Variants in DOCK2 observed in about 807,000 individuals in gnomAD.
DOCK2 encodes dedicator of cytokinesis protein 2.
In DOCK2, 87 loss-of-function variants were observed where a neutral mutation model predicts 248.9. That is an observed-to-expected ratio of 0.35 (90% CI 0.29 to 0.42). DOCK2 has a LOEUF of 0.42. Among genes scored for constraint, DOCK2 ranks in the 10% least tolerant of loss-of-function variants. DOCK2 has a pLI of 1.00. For missense variants in DOCK2, 1,747 were observed against 2,300.2 expected (o/e 0.76, Z 4.92); for synonymous variants, 805 against 821.6 (o/e 0.98, Z 0.35).
At chr5:169,723,481 A>G (rs1174402166) in intron 22 of DOCK2, among the ~76,000 whole-genome samples, 1 of 152,208 alleles carries the variant, frequency 6.6e-6, no homozygotes, top group Non-Finnish European at 1.5e-5. Context: ...AGTGCTGGTC[A>G]CATAGCCAGT....
intron 1 of DOCK2, among the ~76,000 whole-genome samples, chr5:169,640,498 C>T (rs1757090931): frequency 6.6e-6 from 1 of 152,200 alleles, no homozygotes; most frequent in Admixed American, 6.5e-5. Context: ...TTAGCATGTA[C>T]ATCCTGCTTA....
intron 27 of DOCK2, among the ~76,000 whole-genome samples, chr5:169,928,658 T>C (rs1412475943): frequency 6.6e-6 from 1 of 152,166 alleles, no homozygotes; most frequent in African/African-American, 2.4e-5. Flanking sequence ...CAGAGAGATC[T>C]AAATACATCC....
intron 26 of DOCK2, among the ~76,000 whole-genome samples, chr5:169,822,100 A>G (rs1419306200): frequency 1.3e-5 from 2 of 152,242 alleles, no homozygotes; most frequent in African/African-American, 4.8e-5. Context: ...CCAATACAGG[A>G]GCACCCAGAT....
chr5:170,027,993 G>A (rs1581538430), intron 34 of DOCK2, 45 bp downstream of exon 34: 1 of 1,569,188 alleles, frequency 6.4e-7, no homozygotes, highest in East Asian at 2.3e-5. Context: ...TGAAGGTCAG[G>A]TGAGGCGGGA....
At chr5:169,894,390 C>T (rs1225736872) in intron 27 of DOCK2, among the ~76,000 whole-genome samples, 1 of 152,162 alleles carries the variant, frequency 6.6e-6, no homozygotes, top group African/African-American at 2.4e-5. Flanking sequence ...GAAGTACCCC[C>T]TTCTCCTGAC....
intron 27 of DOCK2, among the ~76,000 whole-genome samples, chr5:169,955,486 G>A (rs926597086): frequency 2.6e-5 from 4 of 152,266 alleles, no homozygotes; most frequent in South Asian, 2.1e-4. Flanking sequence ...GCCAGTTTGC[G>A]GCTTCTACCT....
chr5:169,968,278 A>C (rs1358750033), intron 27 of DOCK2, among the ~76,000 whole-genome samples: 1 of 152,206 alleles, frequency 6.6e-6, no homozygotes, highest in Non-Finnish European at 1.5e-5. Context: ...ATAGCTGAGA[A>C]GACCTTTGTC....
At chr5:169,705,476 C>G (rs1187613372) in intron 14 of DOCK2, among the ~76,000 whole-genome samples, 3 of 152,164 alleles carry the variant, frequency 2.0e-5, no homozygotes, top group Admixed American at 6.5e-5. Context: ...GTGCAAAGCC[C>G]AGCTCTGCCT....
At chr5:169,937,752 A>G (rs984860281) in intron 27 of DOCK2, among the ~76,000 whole-genome samples, 70 of 152,342 alleles carry the variant, frequency 4.6e-4, no homozygotes, top group African/African-American at 1.7e-3. Flanking sequence ...CTGGCTGGCA[A>G]GCTGCTCAAG....
chr5:169,876,203 A>G (rs1437303231), intron 27 of DOCK2, among the ~76,000 whole-genome samples: 1 of 152,170 alleles, frequency 6.6e-6, no homozygotes, highest in Non-Finnish European at 1.5e-5. Context: ...GGCCCACCAG[A>G]CAACCCACCC....
chr5:169,886,854 T>C lies in DOCK2; in HGVS notation c.2799+46002T>C, dbSNP rs145021211. On this transcript the variant is annotated intron_variant, in intron 27 of 51. Transcript: ENST00000520908. ...GAACGATAACTCACACAGGCTATGA[T>C]TGTCTGAGGCTGGTTTTCATAAGAG... 1.2e-4 allele frequency among the ~76,000 whole-genome samples: 18 copies of C among 152,354 alleles called. No homozygotes were observed. In the East Asian group the frequency reaches 3.3e-3, roughly 28 times the overall value.
rs530576667 is a variant in DOCK2, at chr5:170,013,842, T to C, written c.3232+5096T>C. Among the ~76,000 whole-genome samples, 96 of 152,266 alleles carry C rather than the reference T, an allele frequency of 6.3e-4. 1 individual carries two copies. Among genetic ancestry groups the C allele is most frequent in the African/African-American group, 2.2e-3 (90 of 41,504 alleles). ...CAGGTACTATGCCAGTAGCTGGGGT[T>C]AAAACCCGAATCAGGTTAGAGATAT... On this transcript the variant is annotated intron_variant, in intron 32 of 51. Transcript: ENST00000520908.
At chr5:170,003,148 C>A (rs1409937474) in intron 30 of DOCK2, among the ~76,000 whole-genome samples, 1 of 152,226 alleles carries the variant, frequency 6.6e-6, no homozygotes, top group Non-Finnish European at 1.5e-5. Flanking sequence ...TCAACACCAC[C>A]ATTCCATTTA....
At chr5:169,650,221 A>G (rs1367600443) in intron 1 of DOCK2, among the ~76,000 whole-genome samples, 3 of 152,192 alleles carry the variant, frequency 2.0e-5, no homozygotes, top group African/African-American at 7.2e-5. Context: ...CACACACTAG[A>G]TGTTCACATG....
In DOCK2 at chr5:170,080,174, G is replaced by A. The variant is rs973289419; in HGVS notation, c.5178G>A (p.Lys1726=). Residue 1726 remains lysine, a synonymous_variant, in exon 50 of 52, where the codon AAG becomes AAA. Coordinates refer to ENST00000520908, the MANE Select transcript of DOCK2 (RefSeq NM_004946.3). The part of the protein sequence containing the change: ...AESDLKRLSR[K]HEFMSDTNLS... ...GTGTATTCCTCCAGCTTTCCAGGAA[G>A]CATGAGTTCATGAGTGACACCAACC... 1.2e-6 allele frequency: 2 copies of A among 1,614,082 alleles called. No individual in the cohort carries two copies. The highest frequency in any genetic ancestry group is 1.7e-6 in the Non-Finnish European group (2 of 1,179,964).
At chr5:169,916,230 A>G (rs1447229072) in intron 27 of DOCK2, among the ~76,000 whole-genome samples, 1 of 152,198 alleles carries the variant, frequency 6.6e-6, no homozygotes, top group Non-Finnish European at 1.5e-5. Flanking sequence ...CTTCTAAACA[A>G]GTTACCTCTG....
intron 32 of DOCK2, among the ~76,000 whole-genome samples, chr5:170,014,638 G>C (rs557962163): frequency 1.3e-4 from 17 of 128,884 alleles, no homozygotes; most frequent in East Asian, 1.1e-3. Flanking sequence ...GACATGTGTT[G>C]GGGGGGGTAG....
intron 23 of DOCK2, among the ~76,000 whole-genome samples, chr5:169,747,921 G>A (rs1219430578): frequency 2.0e-5 from 3 of 152,210 alleles, no homozygotes; most frequent in African/African-American, 2.4e-5. Flanking sequence ...TGTGGTCCAC[G>A]ATGCTAATCT....
chr5:169,759,258 T>A (rs767103258), intron 23 of DOCK2, among the ~76,000 whole-genome samples: 2 of 152,272 alleles, frequency 1.3e-5, no homozygotes, highest in African/African-American at 2.4e-5. Flanking sequence ...TAATAATATG[T>A]CACCATTTAT....
Sources: gnomAD v4.1 joint callset for allele counts (sites outside exome capture counted in the v4.1 genomes callset) on GRCh38, gnomAD v4.1.1 for gene constraint, MANE v1.5 for transcripts, NCBI Gene and HGNC (gene_info 2026-07-23, HGNC 2026-07-21) for gene names.